Variants in FANCC observed in about 807,000 individuals in gnomAD.
FANCC encodes the protein FA complementation group C.
FANCC carries 55 observed loss-of-function variants against 71.3 expected under a neutral mutation model. That is an observed-to-expected ratio of 0.77 (90% CI 0.62 to 0.97). FANCC has a LOEUF of 0.97. Among genes scored for constraint, FANCC ranks in the 50% least tolerant of loss-of-function variants. The pLI is 0.00. For missense variants in FANCC, 678 were observed against 670.9 expected, an observed-to-expected ratio of 1.01 and a Z score of -0.12; for synonymous variants, 275 against 244.9, an observed-to-expected ratio of 1.12 and a Z score of -1.15.
chr9:95,147,191 T>A (rs1369543026), intron 7 of FANCC, among the ~76,000 whole-genome samples: 1 of 152,190 alleles, frequency 6.6e-6, no homozygotes, highest in East Asian at 1.9e-4. Context: ...GATTAAAAGA[T>A]TCAATTTCTC....
intron 4 of FANCC, among the ~76,000 whole-genome samples, chr9:95,223,811 T>C (rs1391906888): frequency 1.8e-4 from 28 of 152,078 alleles, no homozygotes; most frequent in Admixed American, 1.8e-3. Flanking sequence ...ACCCCGTCTC[T>C]ACTGACAATA....
chr9:95,240,573 C>A, intron 4 of FANCC, 76 bp downstream of exon 4: 1 of 1,090,602 alleles, frequency 9.2e-7, no homozygotes, highest in South Asian at 1.3e-5. Context: ...CCACCCCACC[C>A]CAAAATTTTT....
At chr9:95,133,962 C>T (rs537587487) in intron 8 of FANCC, among the ~76,000 whole-genome samples, 11 of 152,248 alleles carry the variant, frequency 7.2e-5, no homozygotes, top group Admixed American at 3.3e-4. Flanking sequence ...ATGACTCTTC[C>T]GGATGGTAAG....
chr9:95,228,246 A>G (rs1203320523), intron 4 of FANCC, among the ~76,000 whole-genome samples: 1 of 152,224 alleles, frequency 6.6e-6, no homozygotes, highest in African/African-American at 2.4e-5. Flanking sequence ...GACAGGTGCC[A>G]CATTACAACA....
intron 1 of FANCC, among the ~76,000 whole-genome samples, chr9:95,308,252 CT>C (rs532461260): frequency 9.5e-5 from 14 of 146,672 alleles, no homozygotes; most frequent in Middle Eastern, 3.4e-3. Context: ...ATTTTTTTTT[CT>C]TTTTTTTTTG....
At chr9:95,209,472 T>C (rs1828359636) in intron 4 of FANCC, among the ~76,000 whole-genome samples, 1 of 152,214 alleles carries the variant, frequency 6.6e-6, no homozygotes, top group Admixed American at 6.5e-5. Context: ...GCTGTGCATG[T>C]GTAGGAATGG....
chr9:95,279,579 G>C (rs887131849), intron 1 of FANCC, among the ~76,000 whole-genome samples: 7 of 151,304 alleles, frequency 4.6e-5, no homozygotes, highest in Non-Finnish European at 1.0e-4. Context: ...AAAAAAAGAC[G>C]AGATATACAG....
chr9:95,175,131 AC>A (rs1446975768), intron 4 of FANCC, among the ~76,000 whole-genome samples: 3 of 151,716 alleles, frequency 2.0e-5, no homozygotes, highest in African/African-American at 7.3e-5. Flanking sequence ...CTGTGAGCTC[AC>A]CCCTGCCTCC....
chr9:95,306,758 C>G (rs966784571), intron 1 of FANCC, among the ~76,000 whole-genome samples: 2 of 152,178 alleles, frequency 1.3e-5, no homozygotes, highest in Non-Finnish European at 2.9e-5. Flanking sequence ...ACAATCAACC[C>G]AAGAAGTTCA....
intron 1 of FANCC, chr9:95,294,780 T>G (rs1485205643): frequency 6.4e-7 from 1 of 1,571,108 alleles, no homozygotes; most frequent in African/African-American, 1.4e-5. Context: ...CCCAGACTTC[T>G]GCGGAACCAC....
intron 14 of FANCC, among the ~76,000 whole-genome samples, chr9:95,106,268 G>A (rs1446269461): frequency 6.6e-6 from 1 of 152,186 alleles, no homozygotes; most frequent in Non-Finnish European, 1.5e-5. Flanking sequence ...CTTCTTTGGA[G>A]AAATGTCTGT....
chr9:95,113,615 CA>C lies in FANCC; in HGVS notation c.1154+1013del, dbSNP rs1295374443. The C allele has an allele frequency of 2.2e-3, 329 of 146,480 alleles. 2 individuals carry two copies. Among genetic ancestry groups the C allele is most frequent in the South Asian group, 2.8e-3 (13 of 4,578 alleles). The allele number at this position is 146,480 out of a possible 1,614,324, so 9.1% of individuals were successfully genotyped here. A position where few individuals can be genotyped will look rare whatever the true frequency, so the allele number is the denominator to read the frequency against. ...TTGAAGCAATACAGCAAGACCTCTA[CA>C]AAAAAAAAAATTTTTTTTTTTTTTT... On this transcript the variant is annotated intron_variant, in intron 12 of 14. Transcript: ENST00000289081.
chr9:95,185,815 C>T (rs1450789309), intron 4 of FANCC, among the ~76,000 whole-genome samples: 3 of 152,164 alleles, frequency 2.0e-5, no homozygotes, highest in Non-Finnish European at 4.4e-5. Context: ...TTCGGAAACA[C>T]TTGTCCCCAT....
chr9:95,125,243 A>C, intron 9 of FANCC, 58 bp from the exon 10 acceptor site: 1 of 1,370,298 alleles, frequency 7.3e-7, no homozygotes, highest in South Asian at 1.2e-5. Flanking sequence ...CAAACATGAA[A>C]ACCTGCACTG....
chr9:95,301,800 T>C (rs1162477777), intron 1 of FANCC, among the ~76,000 whole-genome samples: 2 of 150,852 alleles, frequency 1.3e-5, no homozygotes, highest in South Asian at 2.1e-4. Context: ...AAAAAAGGCC[T>C]GGCGCGGTGG....
intron 7 of FANCC, among the ~76,000 whole-genome samples, chr9:95,145,815 C>G (rs1164021924): frequency 1.3e-5 from 2 of 152,138 alleles, no homozygotes; most frequent in Non-Finnish European, 2.9e-5. Flanking sequence ...TTATCACACT[C>G]AAGAGGGCGG....
At chr9:95,114,575 G>A (rs1475902815) in intron 12 of FANCC, 54 bp downstream of exon 12, 2 of 1,485,876 alleles carry the variant, frequency 1.3e-6, no homozygotes, top group African/African-American at 2.8e-5. Context: ...GGCAGATGAG[G>A]ATCTAGGGAA....
At chr9:95,227,258 G>A (rs1177743917) in intron 4 of FANCC, among the ~76,000 whole-genome samples, 2 of 152,116 alleles carry the variant, frequency 1.3e-5, no homozygotes, top group Non-Finnish European at 2.9e-5. Flanking sequence ...AACTTGCCTT[G>A]CCTGCAGAAA....
At chr9:95,111,420 C>CACATG in intron 13 of FANCC, 43 bp downstream of exon 13, 1 of 1,601,742 alleles carries the variant, frequency 6.2e-7, no homozygotes, top group Non-Finnish European at 8.5e-7. Flanking sequence ...TCTCAGCCCC[C>CACATG]CAGAGCCCAC....
Sources: gnomAD v4.1 joint callset for allele counts (sites outside exome capture counted in the v4.1 genomes callset) on GRCh38, gnomAD v4.1.1 for gene constraint, MANE v1.5 for transcripts, NCBI Gene and HGNC (gene_info 2026-07-23, HGNC 2026-07-21) for gene names.